The following CLEC19A variants were observed in gnomAD, a reference collection of about 807,000 sequenced individuals.
CLEC19A encodes the protein C-type lectin domain containing 19A, also known as C-type lectin domain family 19 member A.
CLEC19A carries 21 observed loss-of-function variants against 26.1 expected under a neutral mutation model. The observed-to-expected ratio is 0.80, with a 90% CI of 0.57 to 1.16. The LOEUF (loss-of-function observed/expected upper bound fraction) is 1.16. Among genes scored for constraint, CLEC19A ranks in the 50% most tolerant of loss-of-function variants. The pLI, the probability that CLEC19A is intolerant of heterozygous loss-of-function variation, is 0.00. For missense variants in CLEC19A, 224 were observed against 227.6 expected (o/e 0.98, Z 0.10); for synonymous variants, 89 against 88.6 (o/e 1.00, Z -0.03).
chr16:19,301,648 C>G (rs1290560015), intron 2 of CLEC19A, among the ~76,000 whole-genome samples: 1 of 151,714 alleles, frequency 6.6e-6, no homozygotes, highest in Non-Finnish European at 1.5e-5. Context: ...ACTGCAACCT[C>G]CGCCTCCTGG....
chr16:19,308,504 T>A (rs1320269107), intron 4 of CLEC19A, among the ~76,000 whole-genome samples: 1 of 152,212 alleles, frequency 6.6e-6, no homozygotes, highest in Non-Finnish European at 1.5e-5. Context: ...TCATGAATCA[T>A]CACTTTCACA....
chr16:19,307,469 G>T, intron 3 of CLEC19A, 76 bp from the exon 4 acceptor site: 1 of 1,519,360 alleles, frequency 6.6e-7, no homozygotes. Context: ...AGACGTCTGA[G>T]CTGGAGCTGC....
chr16:19,301,736 G>GGTTTTT (rs1897829210), intron 2 of CLEC19A, among the ~76,000 whole-genome samples: 2 of 81,498 alleles, frequency 2.5e-5, no homozygotes, highest in African/African-American at 9.6e-5. Flanking sequence ...GGTTTTTTTG[G>GGTTTTT]TTTTTTTTTT....
intron 1 of CLEC19A, among the ~76,000 whole-genome samples, chr16:19,288,365 T>G (rs2143008367): frequency 6.6e-6 from 1 of 152,256 alleles, no homozygotes; most frequent in East Asian, 1.9e-4. Flanking sequence ...TGAGAATACA[T>G]GTACCTCCAA....
intron 1 of CLEC19A, among the ~76,000 whole-genome samples, chr16:19,293,425 C>G (rs1167854680): frequency 6.6e-6 from 1 of 151,924 alleles, no homozygotes; most frequent in African/African-American, 2.4e-5. Flanking sequence ...CAGGAACTCT[C>G]TCCACACACT....
chr16:19,289,724 T>C (rs1897542337), intron 1 of CLEC19A, among the ~76,000 whole-genome samples: 3 of 152,232 alleles, frequency 2.0e-5, no homozygotes, highest in African/African-American at 7.2e-5. Flanking sequence ...CTGTGTTTCA[T>C]GTGGCCTCAG....
rs1007159163 is a variant in CLEC19A at position 19,298,754 on chromosome 16, T to G, written c.170T>G (p.Leu57Arg). The change falls in exon 2 of 5, where the codon CTC becomes CGC. Residue 57 changes from leucine to arginine, a missense_variant. By Grantham distance (102) the Leu-to-Arg change is moderately radical. Transcript: ENST00000636231. ...FKGHCYRFFP[L>R]NKTWAEADLY... ...GGCCACTGCTATCGATTCTTCCCTC[T>G]CAATAAGACCTGGGCTGAGGCCGAC... 2.0e-5 allele frequency: 31 copies of G among 1,550,938 alleles called. No homozygotes were observed. Among genetic ancestry groups the G allele is most frequent in the Non-Finnish European group, 2.7e-5 (31 of 1,147,084 alleles).
intron 3 of CLEC19A, among the ~76,000 whole-genome samples, chr16:19,306,230 T>C (rs1897951163): frequency 6.6e-6 from 1 of 151,576 alleles, no homozygotes; most frequent in Non-Finnish European, 1.5e-5. Flanking sequence ...ACCGCAACCT[T>C]GAACTCCTGG....
intron 1 of CLEC19A, among the ~76,000 whole-genome samples, chr16:19,295,275 T>A (rs112049536): frequency 3.3e-3 from 504 of 152,196 alleles, no homozygotes; most frequent in African/African-American, 0.012. Context: ...AGTGGCGTGA[T>A]CATGGCTCAT....
Position 19,298,352 on chromosome 16 carries a change from A to C in CLEC19A, c.89-321A>C, listed in dbSNP as rs143067270. 3.4e-3 allele frequency among the ~76,000 whole-genome samples: 521 copies of C among 152,136 alleles called. 4 individuals carry two copies. Among genetic ancestry groups the C allele is most frequent in the African/African-American group, 0.012 (489 of 41,498 alleles). ...GATCACTTGAGCCCTGGAGTTCAAGACCAGCCTGGTCAACATGGTAAGACC... is the reference window on the plus strand; with the variant it reads ...GATCACTTGAGCCCTGGAGTTCAAGCCCAGCCTGGTCAACATGGTAAGACC... On this transcript the variant is annotated intron_variant, in intron 1 of 4. Transcript: ENST00000636231.
chr16:19,303,434 T>A (rs2143010761), intron 2 of CLEC19A, among the ~76,000 whole-genome samples: 1 of 152,314 alleles, frequency 6.6e-6, no homozygotes, highest in Non-Finnish European at 1.5e-5. Context: ...CCTCCACTGA[T>A]TCCTTTTGTT....
chr16:19,306,379 C>A (rs1373093144), intron 3 of CLEC19A, among the ~76,000 whole-genome samples: 1 of 151,650 alleles, frequency 6.6e-6, no homozygotes, highest in Non-Finnish European at 1.5e-5. Context: ...ACTTCTGGCT[C>A]CAAGTGATCC....
chr16:19,306,089 C>T lies in CLEC19A; in HGVS notation c.349-1456C>T, dbSNP rs560453108. Among the ~76,000 whole-genome samples, 69 of 151,990 alleles carry T rather than the reference C, an allele frequency of 4.5e-4. 1 individual carries two copies. Among genetic ancestry groups the T allele is most frequent in the African/African-American group, 1.3e-3 (54 of 41,474 alleles). On this transcript the variant is annotated intron_variant, in intron 3 of 4. Coordinates refer to ENST00000636231, the MANE Select transcript of CLEC19A (RefSeq NM_001256720.2). ...TGATGTCCTGACCTCGTGATCCGCC[C>T]GCCTCAGCCTCCCAAAGTTTTGGGA...
In CLEC19A at chr16:19,298,658, C is replaced by A; in HGVS notation, c.89-15C>A. The A allele has an allele frequency of 1.9e-6, 3 of 1,550,498 alleles. No homozygotes were observed. Among genetic ancestry groups the A allele is most frequent in the Non-Finnish European group, 2.6e-6 (3 of 1,146,924 alleles). ...TGCCAACCTTCCTCCCAGTCTGTTTCCTTTCTGCCCCCAGCCCTGCCAGAG... is the reference window on the plus strand; with the variant it reads ...TGCCAACCTTCCTCCCAGTCTGTTTACTTTCTGCCCCCAGCCCTGCCAGAG... On this transcript the variant is annotated splice_polypyrimidine_tract_variant and intron_variant, in intron 1 of 4. Transcript: ENST00000636231.
rs200392261 is a variant in CLEC19A, at chr16:19,304,701, G to GAAAA, written c.348+554_348+557dup. On this transcript the variant is annotated intron_variant, in intron 3 of 4. Transcript: ENST00000636231. ...GGGTGACAGAGCAAGACTCCAACTT[G>GAAAA]AAAAAAAAAAAGAAGACACTAAAAC... 4.8e-5 allele frequency among the ~76,000 whole-genome samples: 7 copies of GAAAA among 147,206 alleles called. No homozygotes were observed. The East Asian group carries it at 1.4e-3, about 29-fold the overall frequency.
At chr16:19,295,706 C>T (rs371442192) in intron 1 of CLEC19A, among the ~76,000 whole-genome samples, 2 of 152,162 alleles carry the variant, frequency 1.3e-5, no homozygotes, top group East Asian at 3.8e-4. Context: ...GATGAGTGTC[C>T]TTGGTTACTG....
intron 4 of CLEC19A, among the ~76,000 whole-genome samples, chr16:19,308,657 C>G (rs1898005055): frequency 6.6e-6 from 1 of 152,216 alleles, no homozygotes; most frequent in South Asian, 2.1e-4. Flanking sequence ...GAACTCCAGA[C>G]CCAGACACTT....
chr16:19,305,917 C>T (rs1199005134), intron 3 of CLEC19A, among the ~76,000 whole-genome samples: 1 of 151,912 alleles, frequency 6.6e-6, no homozygotes, highest in Admixed American at 6.6e-5. Context: ...AATCTTGGCT[C>T]GCTGCAACCT....
At chr16:19,301,749 T>TTTTTTTTTTTG (rs1897835343) in intron 2 of CLEC19A, among the ~76,000 whole-genome samples, 1 of 126,182 alleles carries the variant, frequency 7.9e-6, no homozygotes, top group Non-Finnish European at 1.7e-5. Flanking sequence ...TTTTTTTTTT[T>TTTTTTTTTTTG]TTTTTTTTTT....
Sources: gnomAD v4.1 joint callset for allele counts (sites outside exome capture counted in the v4.1 genomes callset) on GRCh38, gnomAD v4.1.1 for gene constraint, MANE v1.5 for transcripts, NCBI Gene and HGNC (gene_info 2026-07-23, HGNC 2026-07-21) for gene names.